The following BICD1 variants were observed in gnomAD, a reference collection of about 807,000 sequenced individuals.
The protein encoded by BICD1 is BICD cargo adaptor 1.
Under a neutral mutation model 92.5 loss-of-function variants are expected in BICD1, and 35 were observed. The ratio of observed to expected loss-of-function variants is 0.38; its 90% CI spans 0.29 to 0.50. The LOEUF is 0.50. Ranked by LOEUF, BICD1 falls within the 20% of genes least tolerant of loss-of-function variation. BICD1 has a pLI of 0.93. For missense variants in BICD1, 950 were observed against 1,189.8 expected (o/e 0.80, Z 2.97); for synonymous variants, 429 against 465.1 (o/e 0.92, Z 1.00).
chr12:32,340,345 A>G, intron 8 of BICD1: 1 of 985,406 alleles, frequency 1.0e-6, no homozygotes, highest in Non-Finnish European at 1.2e-6. Flanking sequence ...TTAATTTCAT[A>G]ACTGATTTCC....
At chr12:32,209,271 T>C (rs777836440) in intron 1 of BICD1, among the ~76,000 whole-genome samples, 3 of 152,230 alleles carry the variant, frequency 2.0e-5, no homozygotes, top group Non-Finnish European at 4.4e-5. Flanking sequence ...CCATTTGATG[T>C]GATTATAACT....
In BICD1 at chr12:32,270,204, A is replaced by G. The variant is rs188033532; in HGVS notation, c.427-23790A>G. Among the ~76,000 whole-genome samples the G allele has an allele frequency of 4.3e-3, 656 of 151,888 alleles. 1 individual carries two copies. The highest frequency in any genetic ancestry group is 7.3e-3 in the Non-Finnish European group (494 of 68,004). On this transcript the variant is annotated intron_variant, in intron 2 of 9. Coordinates refer to ENST00000652176, the MANE Select transcript of BICD1 (RefSeq NM_001714.4). ...AGACTAAAATAATGATGAAGAAAAC[A>G]TTTTAATATGGTATATGAATAGTAA... is the stretch of plus-strand genomic sequence containing the variant.
chr12:32,338,027 A>G, intron 7 of BICD1: 1 of 534,136 alleles, frequency 1.9e-6, no homozygotes, highest in South Asian at 2.8e-5. Flanking sequence ...CCCCTGCCCA[A>G]TCCCTCCTCT....
intron 4 of BICD1, among the ~76,000 whole-genome samples, chr12:32,309,334 A>T (rs1948316292): frequency 6.6e-6 from 1 of 152,158 alleles, no homozygotes; most frequent in South Asian, 2.1e-4. Flanking sequence ...AATCAAATGT[A>T]CTTTAAGTAT....
chr12:32,151,501 A>G (rs7961369), intron 1 of BICD1, among the ~76,000 whole-genome samples: 90,398 of 152,152 alleles, frequency 0.59, 27,404 homozygotes, highest in Admixed American at 0.69. Context: ...ACCCAAGTAC[A>G]ATAAATGGCA....
At chr12:32,198,241 G>A (rs1311893351) in intron 1 of BICD1, among the ~76,000 whole-genome samples, 1 of 149,644 alleles carries the variant, frequency 6.7e-6, no homozygotes, top group Non-Finnish European at 1.5e-5. Context: ...TGATTTGGGG[G>A]AGAGCACCAA....
intron 5 of BICD1, chr12:32,333,342 T>C (rs1459244633): frequency 2.2e-6 from 2 of 903,762 alleles, no homozygotes; most frequent in Admixed American, 6.2e-5. Context: ...AAAGTCTCAT[T>C]TTAATCTGAA....
At chr12:32,358,632 G>A (rs1187996295) in intron 8 of BICD1, among the ~76,000 whole-genome samples, 2 of 152,004 alleles carry the variant, frequency 1.3e-5, no homozygotes, top group African/African-American at 2.4e-5. Flanking sequence ...AGCTACTTAG[G>A]AGGCTGAGGC....
intron 2 of BICD1, among the ~76,000 whole-genome samples, chr12:32,259,378 A>T (rs1036811334): frequency 6.6e-6 from 1 of 152,232 alleles, no homozygotes; most frequent in African/African-American, 2.4e-5. Context: ...TGGAAAAATT[A>T]CTTAATAAGA....
intron 1 of BICD1, among the ~76,000 whole-genome samples, chr12:32,171,545 G>C (rs1199953709): frequency 2.0e-5 from 3 of 152,158 alleles, no homozygotes; most frequent in East Asian, 1.9e-4. Flanking sequence ...ACCTTGTCTG[G>C]AGTACACAGT....
chr12:32,275,015 T>C (rs1384862930), intron 2 of BICD1, among the ~76,000 whole-genome samples: 4 of 85,802 alleles, frequency 4.7e-5, no homozygotes, highest in African/African-American at 2.1e-4. Context: ...TAAGTGCTTA[T>C]TAAAAATAAA....
chr12:32,337,761 A>C lies in BICD1; in HGVS notation c.2515A>C (p.Ser839Arg). ...CACCATAGACACTTACCTCCTGCATAGTCAGGGCCCACAGACACCCAACAT... is the reference window on the plus strand; with the variant it reads ...CACCATAGACACTTACCTCCTGCATCGTCAGGGCCCACAGACACCCAACAT... ...VPTIDTYLLH[S>R]QGPQTPNIRV... Residue 839 changes from serine to arginine, a missense_variant, in exon 7 of 10, where the codon AGT (serine) becomes CGT (arginine). This residue lies in a region of BICD1 where 179 missense variants were observed against 186.7 expected (regional missense o/e 0.96). Coordinates refer to ENST00000652176, the MANE Select transcript of BICD1 (RefSeq NM_001714.4). The surrounding 1 kb of genome is among the most constrained non-coding windows in gnomAD (Gnocchi z 4.7). 6.2e-7 allele frequency: 1 copy of C among 1,614,172 alleles called. No homozygotes were observed. Among genetic ancestry groups the C allele is most frequent in the Non-Finnish European group, 8.5e-7 (1 of 1,180,024 alleles).
At chr12:32,283,404 C>T (rs150724807) in intron 2 of BICD1, among the ~76,000 whole-genome samples, 2 of 129,254 alleles carry the variant, frequency 1.5e-5, no homozygotes, top group Non-Finnish European at 3.5e-5. Context: ...TGCCTCTCCA[C>T]GAGTTACAGC....
intron 8 of BICD1, among the ~76,000 whole-genome samples, chr12:32,351,908 C>G (rs1234509740): frequency 2.2e-5 from 3 of 135,302 alleles, no homozygotes; most frequent in African/African-American, 5.6e-5. Context: ...GACTCTGTCT[C>G]GAAAAAAAAA....
At chr12:32,146,453 A>G (rs1943105849) in intron 1 of BICD1, among the ~76,000 whole-genome samples, 1 of 152,250 alleles carries the variant, frequency 6.6e-6, no homozygotes, top group South Asian at 2.1e-4. Flanking sequence ...GTGGAAATAT[A>G]CTTCTGAATC....
chr12:32,357,639 A>G (rs1939167378), intron 8 of BICD1, among the ~76,000 whole-genome samples: 1 of 152,136 alleles, frequency 6.6e-6, no homozygotes, highest in African/African-American at 2.4e-5. Context: ...TTCAAAATCA[A>G]GGTGTCCGCA....
At chr12:32,317,088 T>G (rs1463752617) in intron 4 of BICD1, among the ~76,000 whole-genome samples, 1 of 152,238 alleles carries the variant, frequency 6.6e-6, no homozygotes, top group Non-Finnish European at 1.5e-5. Flanking sequence ...TGCCACATTT[T>G]CTTAATCCAG....
In BICD1 at chr12:32,381,925, A is replaced by G. The variant is rs1183226924; in HGVS notation, c.*4298A>G. 6.6e-6 allele frequency: 1 copy of G among 152,122 alleles called. No homozygotes were observed. Among genetic ancestry groups the G allele is most frequent in the African/African-American group, 2.4e-5 (1 of 41,446 alleles). 9.4% of individuals were successfully genotyped at this position (152,122 alleles called of 1,614,324 possible). A position where few individuals can be genotyped will look rare whatever the true frequency, so the allele number is the denominator to read the frequency against. On this transcript the variant is annotated 3_prime_UTR_variant, in exon 10 of 10. Coordinates refer to ENST00000652176, the MANE Select transcript of BICD1 (RefSeq NM_001714.4). The stretch of plus-strand genomic sequence containing the variant: ...GTATGTTTTCAAGTAAAGGGAACAT[A>G]ATTCTTCAAAAAGCTGTTGAACTGG...
chr12:32,356,785 C>T (rs1028317762), intron 8 of BICD1, among the ~76,000 whole-genome samples: 15 of 152,196 alleles, frequency 9.9e-5, no homozygotes, highest in Non-Finnish European at 1.9e-4. Flanking sequence ...CACCTTTGTG[C>T]TATTATCAGA....
Sources: gnomAD v4.1 joint callset for allele counts (sites outside exome capture counted in the v4.1 genomes callset) on GRCh38, gnomAD v4.1.1 for gene constraint, gnomAD v4.1.1 regional missense constraint, Gnocchi (gnomAD v3.1) non-coding constraint, MANE v1.5 for transcripts, NCBI Gene and HGNC (gene_info 2026-07-23, HGNC 2026-07-21) for gene names.